The following FAM193B variants were observed in gnomAD, a reference collection of about 807,000 sequenced individuals.
FAM193B encodes protein FAM193B.
In FAM193B, 27 loss-of-function variants were observed where a neutral mutation model predicts 70.7. The ratio of observed to expected loss-of-function variants is 0.38; its 90% CI spans 0.28 to 0.53. The LOEUF (loss-of-function observed/expected upper bound fraction) is 0.53, where lower values mean the gene tolerates loss of function less well. FAM193B is among the 20% of genes least tolerant of loss of function. The pLI is 0.81. For synonymous variants in FAM193B, 448 were observed against 436.0 expected (o/e 1.03, Z -0.34); for missense variants, 1,022 against 1,072.5 (o/e 0.95, Z 0.66).
At position 177,554,340 on chromosome 5, in the gene FAM193B, C is replaced by T; in HGVS notation, c.119G>A (p.Gly40Glu). 8.0e-7 allele frequency: 1 copy of T among 1,255,992 alleles called. No homozygotes were observed. 77.8% of individuals were successfully genotyped at this position (1,255,992 alleles called of 1,614,324 possible). A position where few individuals can be genotyped will look rare whatever the true frequency, so the allele number is the denominator to read the frequency against. Residue 40 changes from glycine (G) to glutamate (E), a missense_variant, in exon 1 of 9, where the codon GGA becomes GAA. Coordinates refer to ENST00000514747, the MANE Select transcript of FAM193B (RefSeq NM_001190946.3). ...CGCCTCCGGAGGGCCTGCACCCGCTCCCGCCTCCAGGCTTGGCGGCGGCGG... is the reference window on the plus strand; with the variant it reads ...CGCCTCCGGAGGGCCTGCACCCGCTTCCGCCTCCAGGCTTGGCGGCGGCGG... ...EPPPPPSLEA[G>E]AGAGPPEAPA...
chr5:177,550,807 T>C (rs1028924654), intron 1 of FAM193B, among the ~76,000 whole-genome samples: 4 of 152,212 alleles, frequency 2.6e-5, no homozygotes, highest in Non-Finnish European at 4.4e-5. Context: ...AGCTGCTGCA[T>C]AGGTTGCTTC....
chr5:177,554,028 C>T, intron 1 of FAM193B: 2 of 1,333,862 alleles, frequency 1.5e-6, no homozygotes, highest in Non-Finnish European at 1.9e-6. Flanking sequence ...AGGGGAGCAG[C>T]TTCAGCCTAG....
chr5:177,526,568 G>A (rs367942042), intron 5 of FAM193B, among the ~76,000 whole-genome samples: 4 of 152,286 alleles, frequency 2.6e-5, no homozygotes, highest in South Asian at 4.1e-4. Context: ...TGGTGTGGAG[G>A]GAATGATATG....
chr5:177,525,234 G>C (rs367895694), intron 5 of FAM193B, 29 bp from the exon 6 acceptor site: 178 of 1,434,250 alleles, frequency 1.2e-4, no homozygotes, highest in East Asian at 6.7e-4. Context: ...GTTTTAGCAG[G>C]AGGCTGTCAA....
At chr5:177,549,401 G>C (rs551894722) in intron 1 of FAM193B, among the ~76,000 whole-genome samples, 1 of 152,008 alleles carries the variant, frequency 6.6e-6, no homozygotes, top group Non-Finnish European at 1.5e-5. Context: ...CACCGTGTTA[G>C]CCAGGATGGT....
intron 1 of FAM193B, among the ~76,000 whole-genome samples, chr5:177,545,505 CACAA>C (rs1765311620): frequency 6.6e-6 from 1 of 152,018 alleles, no homozygotes; most frequent in South Asian, 2.1e-4. Flanking sequence ...ATATAAACAA[CACAA>C]ACAAAAGCTC....
At chr5:177,531,806 G>T in intron 5 of FAM193B, 6 of 988,460 alleles carry the variant, frequency 6.1e-6, no homozygotes, top group Non-Finnish European at 7.9e-6. Context: ...GACCTTGGGC[G>T]AGTCACCGAG....
chr5:177,531,159 A>G, intron 5 of FAM193B: 1 of 1,086,506 alleles, frequency 9.2e-7, no homozygotes, highest in Non-Finnish European at 1.2e-6. Context: ...AGACCTTCCC[A>G]GAACAGTGAG....
intron 4 of FAM193B, among the ~76,000 whole-genome samples, chr5:177,535,836 G>A (rs929206408): frequency 7.9e-5 from 12 of 151,982 alleles, no homozygotes; most frequent in Admixed American, 6.6e-5. Flanking sequence ...AGTTTAGGTT[G>A]TGAAGACATT....
chr5:177,531,160 G>C (rs991266361), intron 5 of FAM193B: 19 of 1,092,652 alleles, frequency 1.7e-5, no homozygotes, highest in Non-Finnish European at 1.9e-5. Context: ...GACCTTCCCA[G>C]AACAGTGAGC....
At chr5:177,554,024 G>C in intron 1 of FAM193B, 1 of 1,332,120 alleles carries the variant, frequency 7.5e-7, no homozygotes, top group Non-Finnish European at 9.6e-7. Flanking sequence ...GGAGAGGGGA[G>C]CAGCTTCAGC....
At chr5:177,530,546 G>A (rs928935934) in intron 5 of FAM193B, among the ~76,000 whole-genome samples, 3 of 152,186 alleles carry the variant, frequency 2.0e-5, no homozygotes, top group Non-Finnish European at 4.4e-5. Context: ...TTTCCTGCCT[G>A]AGGCATCGAA....
At chr5:177,537,824 G>A in intron 3 of FAM193B, 49 bp downstream of exon 3, 3 of 1,552,112 alleles carry the variant, frequency 1.9e-6, no homozygotes, top group Non-Finnish European at 1.7e-6. Context: ...GGAAAACACA[G>A]CTGTCCACAT....
At chr5:177,539,946 A>G (rs1764645347) in intron 1 of FAM193B, among the ~76,000 whole-genome samples, 1 of 152,056 alleles carries the variant, frequency 6.6e-6, no homozygotes, top group Non-Finnish European at 1.5e-5. Flanking sequence ...GTGTATGCCC[A>G]TAGCATAGGC....
At chr5:177,536,861 G>C (rs1161362533) in intron 3 of FAM193B, 116 bp from the exon 4 acceptor site, 2 of 1,342,372 alleles carry the variant, frequency 1.5e-6, no homozygotes, top group Non-Finnish European at 2.0e-6. Flanking sequence ...CAGCCTCTCA[G>C]CACAGGGGAC....
In FAM193B at chr5:177,519,821, C is replaced by T. The variant is rs1761450708; in HGVS notation, c.*362G>A. On this transcript the variant is annotated 3_prime_UTR_variant, in exon 9 of 9. Transcript: ENST00000514747. ...CCAAATGTTGCTTTATCTTTCGGCA[C>T]GAAAGATCTTCACAGTATCAAAAGT... 1 of 151,912 alleles carries T rather than the reference C, an allele frequency of 6.6e-6. No individual in the cohort carries two copies. Among genetic ancestry groups the T allele is most frequent in the African/African-American group, 2.4e-5 (1 of 41,306 alleles). 9.4% of individuals were successfully genotyped at this position (151,912 alleles called of 1,614,324 possible).
At chr5:177,529,934 G>A (rs371664850) in intron 5 of FAM193B, among the ~76,000 whole-genome samples, 6 of 152,356 alleles carry the variant, frequency 3.9e-5, no homozygotes, top group African/African-American at 1.4e-4. Context: ...ACTTCAGGCG[G>A]CGGGAGAAGG....
At position 177,525,147 on chromosome 5, in the gene FAM193B, C is replaced by T; in HGVS notation, c.1334G>A (p.Gly445Glu). 6.6e-7 allele frequency: 1 copy of T among 1,526,594 alleles called. No individual in the cohort carries two copies. The highest frequency in any genetic ancestry group is 8.8e-7 in the Non-Finnish European group (1 of 1,138,160). The allele number at this position is 1,526,594 out of a possible 1,614,324, so 94.6% of individuals were successfully genotyped here. The change falls in exon 6 of 9, where the codon GGA becomes GAA. Residue 445 changes from glycine to glutamate, a missense_variant. Physicochemically the swap from Gly to Glu is moderately conservative, Grantham distance 98. Transcript: ENST00000514747. Reference protein sequence around the residue: ...EALKQANRVSGSREPRPARER... With the variant: ...EALKQANRVSESREPRPARER... ...CCTGGCAGGCCTTGGCTCCCGGCTT[C>T]CAGAAACACGATTTGCCTGCTTTAG...
At chr5:177,531,523 T>TG in intron 5 of FAM193B, 3 of 399,978 alleles carry the variant, frequency 7.5e-6, no homozygotes, top group Non-Finnish European at 8.9e-6. Flanking sequence ...AGCGGGTGGC[T>TG]GGGGGTGGGG....
Sources: gnomAD v4.1 joint callset for allele counts (sites outside exome capture counted in the v4.1 genomes callset) on GRCh38, gnomAD v4.1.1 for gene constraint, MANE v1.5 for transcripts, NCBI Gene and HGNC (gene_info 2026-07-23, HGNC 2026-07-21) for gene names.